NBAS: variants seen among roughly 807,000 people sequenced by gnomAD.
The protein encoded by NBAS is NBAS subunit of NRZ tethering complex.
NBAS carries 219 observed loss-of-function variants against 302.5 expected under a neutral mutation model. That is an observed-to-expected ratio of 0.72 (90% CI 0.65 to 0.81). The LOEUF (loss-of-function observed/expected upper bound fraction) is 0.81. Ranked by LOEUF, NBAS falls within the 30% of genes least tolerant of loss-of-function variation. NBAS has a pLI of 0.00. For missense variants in NBAS, 2,932 were observed against 2,841.6 expected (o/e 1.03, Z -0.72); for synonymous variants, 1,118 against 1,021.6 (o/e 1.09, Z -1.80).
At chr2:14,795,141 T>C in the NBAS span, among the ~76,000 whole-genome samples, 1 of 152,232 alleles carries the variant, frequency 6.6e-6, no homozygotes, top group Non-Finnish European at 1.5e-5. Flanking sequence ...CTAGTTCATA[T>C]GCTAGGTGTG....
the NBAS span, among the ~76,000 whole-genome samples, chr2:15,155,486 G>C: frequency 2.0e-5 from 3 of 152,134 alleles, no homozygotes; most frequent in Admixed American, 2.0e-4. Context: ...AAGTTTCCAA[G>C]ACCACCACCC....
At chr2:15,414,553 T>A (rs1263527705) in intron 25 of NBAS, among the ~76,000 whole-genome samples, 1 of 152,228 alleles carries the variant, frequency 6.6e-6, no homozygotes, top group African/African-American at 2.4e-5. Context: ...ACAAAATGAC[T>A]ATACTACCAG....
chr2:14,860,746 TAGA>T, the NBAS span, among the ~76,000 whole-genome samples: 1 of 152,140 alleles, frequency 6.6e-6, no homozygotes, highest in Non-Finnish European at 1.5e-5. Flanking sequence ...TACAGTTTGA[TAGA>T]AGAAGTAAGA....
Position 15,489,142 on chromosome 2 carries a change from G to A in NBAS, c.955-120C>T. Reference sequence around the variant, plus strand: ...ATGATCTTTAGTAATTAAGAGTTCTGCCAGCTTCCTATCATTATAAATGTA... The same window carrying A: ...ATGATCTTTAGTAATTAAGAGTTCTACCAGCTTCCTATCATTATAAATGTA... On this transcript the variant is annotated intron_variant, in intron 11 of 51. Transcript: ENST00000281513. The A allele has an allele frequency of 5.4e-6, 6 of 1,121,130 alleles. 1 individual carries two copies. In the South Asian group the frequency reaches 6.6e-5, roughly 12 times the overall value. The allele number at this position is 1,121,130 out of a possible 1,614,324, so 69.4% of individuals were successfully genotyped here.
chr2:15,208,701 G>A (rs1044667750), intron 48 of NBAS, among the ~76,000 whole-genome samples: 6 of 152,006 alleles, frequency 3.9e-5, no homozygotes, highest in Non-Finnish European at 8.8e-5. Flanking sequence ...TTATCAAGCA[G>A]TGGCCCAATG....
chr2:15,173,684 T>G (rs1664400584), intron 51 of NBAS, among the ~76,000 whole-genome samples: 1 of 152,190 alleles, frequency 6.6e-6, no homozygotes, highest in Non-Finnish European at 1.5e-5. Context: ...AAACCAAAAC[T>G]ATGACAAATC....
chr2:15,321,489 C>G (rs911843825), intron 38 of NBAS, among the ~76,000 whole-genome samples: 4 of 152,176 alleles, frequency 2.6e-5, no homozygotes, highest in African/African-American at 9.7e-5. Flanking sequence ...TTTTTGCAAT[C>G]TACCCATCTG....
At chr2:14,955,069 A>G in the NBAS span, among the ~76,000 whole-genome samples, 4 of 152,236 alleles carry the variant, frequency 2.6e-5, no homozygotes, top group Non-Finnish European at 5.9e-5. Flanking sequence ...CAAGTTAGTT[A>G]CTTCCTAGAT....
chr2:14,905,087 C>G, the NBAS span, among the ~76,000 whole-genome samples: 1 of 152,306 alleles, frequency 6.6e-6, no homozygotes, highest in Non-Finnish European at 1.5e-5. Context: ...TGTTTATGCT[C>G]TGTTCCAGGC....
intron 7 of NBAS, 72 bp downstream of exon 7, chr2:15,539,151 C>T: frequency 6.3e-7 from 1 of 1,587,630 alleles, no homozygotes; most frequent in Admixed American, 1.7e-5. Flanking sequence ...CCCCTTCACA[C>T]TCTTTTATTC....
At chr2:15,034,205 G>C in the NBAS span, among the ~76,000 whole-genome samples, 9 of 6,426 alleles carry the variant, frequency 1.4e-3, no homozygotes, top group African/African-American at 0.013. Context: ...CAAAGAGAAG[G>C]AAAGGAAAGA....
chr2:14,789,254 G>T, the NBAS span, among the ~76,000 whole-genome samples: 1 of 152,186 alleles, frequency 6.6e-6, no homozygotes, highest in Non-Finnish European at 1.5e-5. Context: ...CTTTGACTAG[G>T]AAAGGGAACT....
rs1236398145 is a variant in NBAS, at chr2:15,445,223, C to T, written c.2339+15978G>A. On this transcript the variant is annotated intron_variant, in intron 21 of 51. Transcript: ENST00000281513. ...ATGCACATGTATGTTTATTGCGGCA[C>T]TATTCACAATAGCAAAGACTTGGAA... Among the ~76,000 whole-genome samples, 379 of 147,334 alleles carry T rather than the reference C, an allele frequency of 2.6e-3. 1 individual carries two copies. Among genetic ancestry groups the T allele is most frequent in the East Asian group, 0.016 (77 of 4,750 alleles).
At chr2:15,405,960 G>A (rs1676387809) in intron 25 of NBAS, among the ~76,000 whole-genome samples, 1 of 151,970 alleles carries the variant, frequency 6.6e-6, no homozygotes, top group Admixed American at 6.6e-5. Flanking sequence ...TGGATAAGAT[G>A]ACTGAACATT....
chr2:15,303,151 T>G (rs1298098039), intron 40 of NBAS, among the ~76,000 whole-genome samples: 2 of 152,164 alleles, frequency 1.3e-5, no homozygotes, highest in Non-Finnish European at 2.9e-5. Context: ...TAAACTCTCC[T>G]TCATATATAC....
chr2:15,069,576 T>C, the NBAS span, among the ~76,000 whole-genome samples: 15 of 150,392 alleles, frequency 1.0e-4, no homozygotes, highest in African/African-American at 3.7e-4. Flanking sequence ...AAAATGGACC[T>C]GTAAAAGAGA....
the NBAS span, among the ~76,000 whole-genome samples, chr2:14,888,625 C>T: frequency 0.038 from 5,784 of 152,160 alleles, 140 homozygotes; most frequent in Non-Finnish European, 0.051. Context: ...AATGTGTTAA[C>T]TATAATTTAA....
chr2:15,543,411 T>G (rs10197407), intron 6 of NBAS, among the ~76,000 whole-genome samples: 17,352 of 152,250 alleles, frequency 0.11, 2,906 homozygotes, highest in African/African-American at 0.36. Context: ...AGTCCAATGA[T>G]TTCATGTCCT....
chr2:15,314,868 G>A (rs1023960552), intron 38 of NBAS, among the ~76,000 whole-genome samples: 3 of 152,080 alleles, frequency 2.0e-5, no homozygotes, highest in Non-Finnish European at 2.9e-5. Flanking sequence ...AAAAACCTAC[G>A]GATGGATACA....
Sources: gnomAD v4.1 joint callset for allele counts (sites outside exome capture counted in the v4.1 genomes callset) on GRCh38, gnomAD v4.1.1 for gene constraint, MANE v1.5 for transcripts, NCBI Gene and HGNC (gene_info 2026-07-23, HGNC 2026-07-21) for gene names.